The following GALNT17 variants were observed in gnomAD, a reference collection of about 807,000 sequenced individuals.
GALNT17 encodes the protein polypeptide N-acetylgalactosaminyltransferase 17.
GALNT17 carries 29 observed loss-of-function variants against 63.7 expected under a neutral mutation model. The observed-to-expected ratio is 0.46, with a 90% CI of 0.34 to 0.62. The LOEUF is 0.62. GALNT17 is among the 20% of genes least tolerant of loss of function. GALNT17 has a pLI of 0.01. For missense variants in GALNT17, 603 were observed against 799.6 expected (o/e 0.75, Z 2.97); for synonymous variants, 305 against 318.3 (o/e 0.96, Z 0.45).
At chr7:71,316,816 C>T (rs146410710) in intron 1 of GALNT17, among the ~76,000 whole-genome samples, 1 of 152,302 alleles carries the variant, frequency 6.6e-6, no homozygotes, top group African/African-American at 2.4e-5. Flanking sequence ...TGGAAACTGG[C>T]ATTTCAATGT....
At chr7:71,401,493 C>T (rs1455923569) in intron 3 of GALNT17, among the ~76,000 whole-genome samples, 1 of 152,158 alleles carries the variant, frequency 6.6e-6, no homozygotes, top group Non-Finnish European at 1.5e-5. Context: ...CCCCCCAGGC[C>T]ATAAACTGGT....
At chr7:71,540,451 C>T (rs996870594) in intron 5 of GALNT17, among the ~76,000 whole-genome samples, 13 of 151,900 alleles carry the variant, frequency 8.6e-5, no homozygotes, top group African/African-American at 2.9e-4. Context: ...AATGTCATTT[C>T]GTTCATCTAG....
rs183444920 is a variant in GALNT17 at position 71,461,551 on chromosome 7, C to G, written c.962+40446C>G. Among the ~76,000 whole-genome samples the G allele has an allele frequency of 1.3e-4, 20 of 152,328 alleles. No individual in the cohort carries two copies. The East Asian group carries it at 3.9e-3, about 29-fold the overall frequency. ...TAGAGGAGCATTTGAAGAGGGATTG[C>G]TGAAGGCTGTGGTTTTCTTTCCTGT... On this transcript the variant is annotated intron_variant, in intron 5 of 10. Transcript: ENST00000333538.
intron 8 of GALNT17, among the ~76,000 whole-genome samples, chr7:71,673,920 G>A (rs1791108870): frequency 6.6e-6 from 1 of 152,182 alleles, no homozygotes; most frequent in Admixed American, 6.5e-5. Context: ...AGGCTAGAAG[G>A]CTGCCAGAGC....
chr7:71,233,355 G>T (rs11976479), intron 1 of GALNT17, among the ~76,000 whole-genome samples: 6,166 of 152,218 alleles, frequency 0.041, 405 homozygotes, highest in African/African-American at 0.14. Context: ...CTGGATGAGC[G>T]CATCCTCCAT....
At chr7:71,626,412 G>A (rs758926731) in intron 6 of GALNT17, among the ~76,000 whole-genome samples, 1 of 152,164 alleles carries the variant, frequency 6.6e-6, no homozygotes, top group East Asian at 1.9e-4. Flanking sequence ...GTACATTCCT[G>A]TGGTTTAAAT....
chr7:71,132,853 G>C lies in GALNT17; in HGVS notation c.51G>C (p.Ala17=). The part of the protein sequence containing the change: ...VKVLLVLNLI[A]VAGFVLFLAK... Reference sequence around the variant, plus strand: ...TGCTGTTGGTGTTGAACTTGATCGCGGTAGCCGGCTTCGTGCTCTTCCTGG... The same window carrying C: ...TGCTGTTGGTGTTGAACTTGATCGCCGTAGCCGGCTTCGTGCTCTTCCTGG... The change falls in exon 1 of 11, where the codon GCG becomes GCC. Residue 17 remains alanine (A), a synonymous_variant. Transcript: ENST00000333538. 6.2e-7 allele frequency: 1 copy of C among 1,612,726 alleles called. No individual in the cohort carries two copies. The highest frequency in any genetic ancestry group is 8.5e-7 in the Non-Finnish European group (1 of 1,179,310).
At chr7:71,139,763 T>A (rs1010068167) in intron 1 of GALNT17, among the ~76,000 whole-genome samples, 1 of 152,000 alleles carries the variant, frequency 6.6e-6, no homozygotes, top group Non-Finnish European at 1.5e-5. Context: ...GAGGCCGTGG[T>A]GGGCAGATCA....
At chr7:71,582,142 C>T (rs796217930) in intron 6 of GALNT17, among the ~76,000 whole-genome samples, 3 of 152,226 alleles carry the variant, frequency 2.0e-5, no homozygotes, top group African/African-American at 7.2e-5. Context: ...ATCCAGCAGT[C>T]CCACTACTGT....
At chr7:71,577,466 C>T (rs1789557530) in intron 6 of GALNT17, among the ~76,000 whole-genome samples, 1 of 152,136 alleles carries the variant, frequency 6.6e-6, no homozygotes, top group Non-Finnish European at 1.5e-5. Flanking sequence ...ACCAGTAAGC[C>T]ATCATGGAGG....
intron 2 of GALNT17, among the ~76,000 whole-genome samples, chr7:71,386,984 A>G (rs1220989029): frequency 1.3e-5 from 2 of 152,068 alleles, no homozygotes; most frequent in East Asian, 3.9e-4. Context: ...AGAGCCTGAA[A>G]CAAAGGGTTT....
chr7:71,576,634 G>A (rs956763107), intron 6 of GALNT17, among the ~76,000 whole-genome samples: 6 of 151,322 alleles, frequency 4.0e-5, no homozygotes, highest in African/African-American at 1.2e-4. Flanking sequence ...GCAATGGCAC[G>A]ATCTCAGCTC....
chr7:71,587,631 G>T (rs1789739112), intron 6 of GALNT17, among the ~76,000 whole-genome samples: 1 of 151,724 alleles, frequency 6.6e-6, no homozygotes, highest in Non-Finnish European at 1.5e-5. Flanking sequence ...TCACACTTAG[G>T]TCTATGATCA....
At chr7:71,300,271 A>G in intron 1 of GALNT17, 2 of 306,542 alleles carry the variant, frequency 6.5e-6, no homozygotes, top group Non-Finnish European at 1.3e-5. Flanking sequence ...GTGTGCTTTC[A>G]TGAAAGAGAG....
rs1791805784 is a variant in GALNT17 at position 71,712,200 on chromosome 7, C to T, written c.*54C>T. 1.3e-6 allele frequency: 2 copies of T among 1,584,316 alleles called. No individual in the cohort carries two copies. Among genetic ancestry groups the T allele is most frequent in the South Asian group, 1.1e-5 (1 of 87,778 alleles). ...GCCCCCAGGACATGGCTGCTCCCCCCAACATCTGGACCAGCTGCCCTGGCG... is the reference window on the plus strand; with the variant it reads ...GCCCCCAGGACATGGCTGCTCCCCCTAACATCTGGACCAGCTGCCCTGGCG... On this transcript the variant is annotated 3_prime_UTR_variant, in exon 11 of 11. Transcript: ENST00000333538.
At chr7:71,309,487 G>T (rs1791373670) in intron 1 of GALNT17, among the ~76,000 whole-genome samples, 1 of 152,104 alleles carries the variant, frequency 6.6e-6, no homozygotes, top group African/African-American at 2.4e-5. Context: ...AGACCAAGGA[G>T]AGAAAACCAT....
rs1790465090 is a variant in GALNT17 at position 71,265,101 on chromosome 7, TATA to T, written c.239-70448_239-70446del. On this transcript the variant is annotated intron_variant, in intron 1 of 10. Transcript: ENST00000333538. ...TACCACACGTAACCCATAAATATTA[TATA>T]TATATATATATATATTTTTTTTTTT... Among the ~76,000 whole-genome samples the T allele has an allele frequency of 7.4e-5, 4 of 54,344 alleles. 1 individual carries two copies. Among genetic ancestry groups the T allele is most frequent in the African/African-American group, 1.6e-4 (3 of 19,098 alleles). 35.7% of individuals were successfully genotyped at this position (54,344 alleles called of 152,430 possible).
chr7:71,467,662 C>G (rs1425260715), intron 5 of GALNT17, among the ~76,000 whole-genome samples: 2 of 152,016 alleles, frequency 1.3e-5, no homozygotes, highest in Non-Finnish European at 2.9e-5. Flanking sequence ...AGGACTTTGG[C>G]TGCTGAGCTA....
intron 5 of GALNT17, among the ~76,000 whole-genome samples, chr7:71,537,485 T>C (rs889801743): frequency 1.3e-5 from 2 of 152,138 alleles, no homozygotes; most frequent in Admixed American, 1.3e-4. Flanking sequence ...AGATTGTTTA[T>C]GTGGGCCCTA....
Sources: allele counts gnomAD v4.1 joint callset (sites outside exome capture counted in the v4.1 genomes callset), GRCh38; gene constraint gnomAD v4.1.1; transcripts MANE v1.5; gene names NCBI Gene and HGNC (gene_info 2026-07-23, HGNC 2026-07-21).